Variants in NAALAD2 observed in about 807,000 individuals in gnomAD.
NAALAD2 encodes the protein N-acetylated alpha-linked acidic dipeptidase 2, also known as N-acetylated-alpha-linked acidic dipeptidase 2.
NAALAD2 carries 89 observed loss-of-function variants against 95.6 expected under a neutral mutation model. The ratio of observed to expected loss-of-function variants is 0.93; its 90% CI spans 0.78 to 1.11. The LOEUF is 1.11. Ranked by LOEUF, NAALAD2 falls within the 50% of genes least tolerant of loss-of-function variation. The pLI is 0.00. For missense variants in NAALAD2, 894 were observed against 872.4 expected, an observed-to-expected ratio of 1.02 and a Z score of -0.31; for synonymous variants, 264 against 294.4, an observed-to-expected ratio of 0.90 and a Z score of 1.06.
chr11:90,174,736 TTTC>T (rs1952737485), intron 14 of NAALAD2, among the ~76,000 whole-genome samples: 1 of 151,908 alleles, frequency 6.6e-6, no homozygotes, highest in East Asian at 1.9e-4. Context: ...TTGTTTTTAT[TTTC>T]TTTTTTCTAA....
At position 90,151,026 on chromosome 11, in the gene NAALAD2, A is replaced by G. The variant is rs190438572; in HGVS notation, c.609+419A>G. Among the ~76,000 whole-genome samples, 7 of 152,146 alleles carry G rather than the reference A, an allele frequency of 4.6e-5. No homozygotes were observed. In the East Asian group the frequency reaches 9.7e-4, roughly 21 times the overall value. On this transcript the variant is annotated intron_variant, in intron 5 of 18. Coordinates refer to ENST00000534061, the MANE Select transcript of NAALAD2 (RefSeq NM_005467.4). ...ATTTACTTTTACATTGTATATTATAAGACTTTATTTTTTTTCATTCAGCCA... is the reference window on the plus strand; with the variant it reads ...ATTTACTTTTACATTGTATATTATAGGACTTTATTTTTTTTCATTCAGCCA...
At position 90,134,744 on chromosome 11, in the gene NAALAD2, G is replaced by T. The variant is rs536704524; in HGVS notation, c.-15G>T. 8.1e-6 allele frequency: 13 copies of T among 1,613,308 alleles called. No individual in the cohort carries two copies. In the African/African-American group the frequency reaches 1.1e-4, roughly 13 times the overall value. ...CGAATGTAGCAGGCGCCCCAAGCTC[G>T]GTCCTCAAGAAGCCATGGCGGAATC... On this transcript the variant is annotated 5_prime_UTR_variant, in exon 1 of 19. Coordinates refer to ENST00000534061, the MANE Select transcript of NAALAD2 (RefSeq NM_005467.4).
Position 90,178,101 on chromosome 11 carries a change from C to G in NAALAD2, c.1842C>G (p.Asp614Glu), listed in dbSNP as rs1952856717. The change falls in exon 16 of 19, where the codon GAC becomes GAG. Residue 614 changes from aspartate to glutamate, a missense_variant. Physicochemically the swap from Asp to Glu is conservative, Grantham distance 45. Transcript: ENST00000534061. Reference protein sequence around the residue: ...LSKKHDQQLTDHGVSFDSLFS... With the variant: ...LSKKHDQQLTEHGVSFDSLFS... ...AGAAACATGATCAACAATTGACAGACCATGGAGTATCATTTGGTAAGAAAT... is the reference window on the plus strand; with the variant it reads ...AGAAACATGATCAACAATTGACAGAGCATGGAGTATCATTTGGTAAGAAAT... 1 of 1,609,986 alleles carries G rather than the reference C, an allele frequency of 6.2e-7. No individual in the cohort carries two copies.
At chr11:90,162,813 A>C in intron 8 of NAALAD2, 136 bp from the exon 9 acceptor site, 1 of 511,998 alleles carries the variant, frequency 2.0e-6, no homozygotes, top group Non-Finnish European at 3.5e-6. Flanking sequence ...TTTAGGTGGT[A>C]GAGATATGAG....
At chr11:90,190,006 G>A (rs1857275499) in intron 18 of NAALAD2, among the ~76,000 whole-genome samples, 1 of 152,134 alleles carries the variant, frequency 6.6e-6, no homozygotes, top group South Asian at 2.1e-4. Context: ...GACTAGAATA[G>A]CTATTTGAGT....
intron 2 of NAALAD2, among the ~76,000 whole-genome samples, chr11:90,142,362 G>C (rs1951641707): frequency 6.6e-6 from 1 of 152,054 alleles, no homozygotes; most frequent in Non-Finnish European, 1.5e-5. Flanking sequence ...CATGGACGTT[G>C]CTATGTTTTC....
At chr11:90,133,595 C>A (rs531700521), upstream of NAALAD2, among the ~76,000 whole-genome samples, 19 of 152,102 alleles carry the variant, frequency 1.2e-4, no homozygotes, top group South Asian at 2.9e-3. Context: ...TGATAATATA[C>A]CCATCTTTTT....
rs775929591 is a variant in NAALAD2 at position 90,152,327 on chromosome 11, A to G, written c.639A>G (p.Ile213Met). The G allele has an allele frequency of 6.2e-7, 1 of 1,608,156 alleles. No homozygotes were observed. The highest frequency in any genetic ancestry group is 2.2e-5 in the East Asian group (1 of 44,738). Residue 213 changes from isoleucine (I) to methionine (M), a missense_variant, in exon 6 of 19, where the codon ATA (isoleucine) becomes ATG (methionine). By Grantham distance (10) the Ile-to-Met change is conservative. Transcript: ENST00000534061. ...AAAATGCCATGTTAGCAGGAGCCAT[A>G]GGAATCATCTTGTACTCAGATCCAG... ...KVKNAMLAGA[I>M]GIILYSDPAD...
chr11:90,183,121 G>C (rs2134986216), intron 18 of NAALAD2, 113 bp downstream of exon 18: 1 of 677,664 alleles, frequency 1.5e-6, no homozygotes, highest in Non-Finnish European at 2.7e-6. Flanking sequence ...ACACTCTAGG[G>C]AATTTGGGTA....
At chr11:90,132,113 C>T (rs1951361051), upstream of NAALAD2, 2 of 152,556 alleles carry the variant, frequency 1.3e-5, no homozygotes, top group African/African-American at 4.8e-5. Context: ...TGACAAAAGT[C>T]CAAAGACTTG....
Position 90,170,086 on chromosome 11 carries a change from G to A in NAALAD2, c.1360G>A (p.Val454Ile), listed in dbSNP as rs544891300. 4.4e-6 allele frequency: 7 copies of A among 1,587,864 alleles called. No individual in the cohort carries two copies. The South Asian group carries it at 7.7e-5, about 18-fold the overall frequency. The change falls in exon 13 of 19, where the codon GTT becomes ATT. Residue 454 changes from valine to isoleucine, a missense_variant. Val to Ile is a conservative substitution (Grantham distance 29, BLOSUM62 3). Transcript: ENST00000534061. Reference sequence around the variant, plus strand: ...TTTTTCAGGCAATTATACTCTCAGAGTTGACTGTACTCCCCTTCTTTACCA... The same window carrying A: ...TTTTTCAGGCAATTATACTCTCAGAATTGACTGTACTCCCCTTCTTTACCA... The part of the protein sequence containing the change: ...SSIEGNYTLR[V>I]DCTPLLYQLV...
intron 4 of NAALAD2, among the ~76,000 whole-genome samples, chr11:90,149,308 G>T (rs1454077384): frequency 6.6e-6 from 1 of 152,086 alleles, no homozygotes; most frequent in Non-Finnish European, 1.5e-5. Flanking sequence ...AGAGAAAAAA[G>T]AAACAAAACA....
intron 17 of NAALAD2, among the ~76,000 whole-genome samples, chr11:90,182,563 A>G (rs1282334690): frequency 6.6e-6 from 1 of 152,116 alleles, no homozygotes; most frequent in East Asian, 1.9e-4. Context: ...TCAGCAGTAG[A>G]ACCGAATGAC....
At chr11:90,179,846 C>T (rs988094336) in intron 16 of NAALAD2, among the ~76,000 whole-genome samples, 2 of 152,014 alleles carry the variant, frequency 1.3e-5, no homozygotes, top group African/African-American at 4.8e-5. Context: ...TCTTAGAGGC[C>T]TGGTTTGATC....
In NAALAD2 at chr11:90,163,248, T is replaced by C. The variant is rs982240030; in HGVS notation, c.1076-62T>C. On this transcript the variant is annotated intron_variant, in intron 9 of 18. Coordinates refer to ENST00000534061, the MANE Select transcript of NAALAD2 (RefSeq NM_005467.4). ...CAAGAGGATGTTTATTTTAAAAACA[T>C]AAATTACAAATATTTATAATGTATT... The C allele has an allele frequency of 3.3e-6, 5 of 1,521,220 alleles. No homozygotes were observed. The East Asian group carries it at 1.1e-4, about 34-fold the overall frequency. The allele number at this position is 1,521,220 out of a possible 1,614,324, so 94.2% of individuals were successfully genotyped here.
At chr11:90,155,444 A>ATAATATG (rs1389460300) in intron 6 of NAALAD2, among the ~76,000 whole-genome samples, 1 of 96,612 alleles carries the variant, frequency 1.0e-5, no homozygotes, top group Admixed American at 1.4e-4. Context: ...TATATAATAT[A>ATAATATG]TAATATGTAA....
intron 8 of NAALAD2, among the ~76,000 whole-genome samples, chr11:90,161,237 A>G (rs1474992696): frequency 6.7e-6 from 1 of 149,684 alleles, no homozygotes; most frequent in African/African-American, 2.4e-5. Context: ...ACAGTGAGGA[A>G]AGGAACACAA....
At chr11:90,174,867 T>A (rs890463353) in intron 14 of NAALAD2, among the ~76,000 whole-genome samples, 4 of 152,164 alleles carry the variant, frequency 2.6e-5, no homozygotes, top group African/African-American at 7.2e-5. Context: ...CAAAACTTTT[T>A]GAGCACCAAC....
At chr11:90,135,469 G>T in intron 1 of NAALAD2, 90 bp from the exon 2 acceptor site, 1 of 732,394 alleles carries the variant, frequency 1.4e-6, no homozygotes, top group East Asian at 2.7e-5. Flanking sequence ...GGCTTTTTGG[G>T]GGGAAGGACA....
Sources: allele counts gnomAD v4.1 joint callset (sites outside exome capture counted in the v4.1 genomes callset), GRCh38; gene constraint gnomAD v4.1.1; transcripts MANE v1.5; gene names NCBI Gene and HGNC (gene_info 2026-07-23, HGNC 2026-07-21).